Variants in MRPS11 observed in about 807,000 individuals in gnomAD.
The protein encoded by MRPS11 is small ribosomal subunit protein uS11m.
A neutral mutation model predicts 24.3 loss-of-function variants in MRPS11; 27 were observed. That is an observed-to-expected ratio of 1.11 (90% CI 0.82 to 1.53). The LOEUF (loss-of-function observed/expected upper bound fraction) is 1.53. Ranked by LOEUF, MRPS11 falls within the 40% of genes most tolerant of loss-of-function variation. The probability of loss-of-function intolerance (pLI) is 0.00; values close to 1 mark genes in which losing one functional copy is unlikely to be tolerated. For synonymous variants in MRPS11, 104 were observed against 98.7 expected, an observed-to-expected ratio of 1.05 and a Z score of -0.32; for missense variants, 277 against 256.5, an observed-to-expected ratio of 1.08 and a Z score of -0.55.
intron 2 of MRPS11, among the ~76,000 whole-genome samples, chr15:88,470,519 C>G (rs2055673090): frequency 6.6e-6 from 1 of 152,260 alleles, no homozygotes; most frequent in Middle Eastern, 3.4e-3. Flanking sequence ...CTAGGAAGAA[C>G]CATCAGAAGA....
intron 2 of MRPS11, among the ~76,000 whole-genome samples, chr15:88,470,006 A>G (rs766658584): frequency 1.6e-4 from 24 of 152,172 alleles, no homozygotes; most frequent in South Asian, 4.1e-4. Context: ...GTGGAGACAC[A>G]ATGTAGACCA....
In MRPS11 at chr15:88,475,289, A is replaced by G. The variant is rs767148601; in HGVS notation, c.411+50A>G. Reference sequence around the variant, plus strand: ...CTTCTAGTGTGTGTTTGCTTTCTGCATGGCTCATCACTGAGTGGAGAATCC... The same window carrying G: ...CTTCTAGTGTGTGTTTGCTTTCTGCGTGGCTCATCACTGAGTGGAGAATCC... On this transcript the variant is annotated intron_variant, in intron 4 of 5. Coordinates refer to ENST00000325844, the MANE Select transcript of MRPS11 (RefSeq NM_022839.5). The surrounding 1 kb of genome is among the most constrained non-coding windows in gnomAD (Gnocchi z 4.1). The G allele has an allele frequency of 1.9e-6, 3 of 1,610,660 alleles. No homozygotes were observed. The highest frequency in any genetic ancestry group is 8.5e-7 in the Non-Finnish European group (1 of 1,178,782).
chr15:88,476,971 C>T lies in MRPS11; in HGVS notation c.412-18C>T. On this transcript the variant is annotated intron_variant, in intron 4 of 5. Coordinates refer to ENST00000325844, the MANE Select transcript of MRPS11 (RefSeq NM_022839.5). ...GTAGTTCTCTCTCCGGGGCACTAAC[C>T]ACTCTGCTTCTCTCCAGAGAGCTAA... is the stretch of plus-strand genomic sequence containing the variant. 2.5e-6 allele frequency: 4 copies of T among 1,609,272 alleles called. No individual in the cohort carries two copies. The South Asian group carries it at 4.4e-5, about 18-fold the overall frequency.
In MRPS11 at chr15:88,478,980, G is replaced by A. The variant is rs1705702757; in HGVS notation, c.*1001G>A. 1 of 150,848 alleles carries A rather than the reference G, an allele frequency of 6.6e-6. No individual in the cohort carries two copies. Among genetic ancestry groups the A allele is most frequent in the Admixed American group, 6.6e-5 (1 of 15,138 alleles). 9.3% of individuals were successfully genotyped at this position (150,848 alleles called of 1,614,324 possible). A position where few individuals can be genotyped will look rare whatever the true frequency, so the allele number is the denominator to read the frequency against. ...CTCCAGCCCAGGTGACAGCGAGACT[G>A]TCTCAAAAAAATAAATAAATATAAA... On this transcript the variant is annotated 3_prime_UTR_variant, in exon 6 of 6. Transcript: ENST00000325844. The surrounding 1 kb of genome is among the most constrained non-coding windows in gnomAD (Gnocchi z 4.7).
rs1384955838 is a variant in MRPS11, at chr15:88,467,776, C to T, written c.59C>T (p.Thr20Ile). ...RFLRSWTWPQ[T>I]AGRVVARTPA... is the part of the protein sequence containing the mutation. ...CTGCGGTCCTGGACTTGGCCCCAGA[C>T]AGCCGGGTAACAAATGACTGCCCCC... The change falls in exon 1 of 6, where the codon ACA (threonine) becomes ATA (isoleucine). Residue 20 changes from threonine to isoleucine, a missense_variant. By Grantham distance (89) the Thr-to-Ile change is moderately conservative. Transcript: ENST00000325844. The T allele has an allele frequency of 1.2e-6, 2 of 1,614,018 alleles. No homozygotes were observed. Among genetic ancestry groups the T allele is most frequent in the Admixed American group, 3.3e-5 (2 of 60,012 alleles).
In MRPS11 at chr15:88,469,990, A is replaced by G. The variant is rs1468650772; in HGVS notation, c.182+1966A>G. Among the ~76,000 whole-genome samples the G allele has an allele frequency of 6.6e-6, 1 of 152,186 alleles. No homozygotes were observed. Among genetic ancestry groups the G allele is most frequent in the Non-Finnish European group, 1.5e-5 (1 of 68,026 alleles). On this transcript the variant is annotated intron_variant, in intron 2 of 5. Transcript: ENST00000325844. This position sits in a 1 kb window ranked among gnomAD's most constrained non-coding sequence, Gnocchi z 4.4. ...GTTAAGGTTGAGATTCTTAATAAAC[A>G]TTCAAGTGGAGACACAATGTAGACC...
Position 88,477,052 on chromosome 15 carries a change from T to G in MRPS11, c.475T>G (p.Leu159Val). The change falls in exon 5 of 6, where the codon TTG becomes GTG. Residue 159 changes from leucine (L) to valine (V), a missense_variant and splice_region_variant. Leu to Val is a conservative substitution (Grantham distance 32). Coordinates refer to ENST00000325844, the MANE Select transcript of MRPS11 (RefSeq NM_022839.5). This position sits in a 1 kb window ranked among gnomAD's most constrained non-coding sequence, Gnocchi z 5.7. Reference sequence around the variant, plus strand: ...GGTGAAAGGCCTGGGGCCAGGACGCTTGGTAAGTTACAGTGATTTCCATAG... The same window carrying G: ...GGTGAAAGGCCTGGGGCCAGGACGCGTGGTAAGTTACAGTGATTTCCATAG... ...VVVKGLGPGR[L>V]SAMHGLIMGG... 3 of 1,613,932 alleles carry G rather than the reference T, an allele frequency of 1.9e-6. No homozygotes were observed. The highest frequency in any genetic ancestry group is 2.5e-6 in the Non-Finnish European group (3 of 1,179,966).
In MRPS11 at chr15:88,472,730, G is replaced by C; in HGVS notation, c.281+5G>C. 6.2e-7 allele frequency: 1 copy of C among 1,609,814 alleles called. No individual in the cohort carries two copies. The highest frequency in any genetic ancestry group is 1.1e-5 in the South Asian group (1 of 90,804). On this transcript the variant is annotated splice_donor_5th_base_variant and intron_variant, in intron 3 of 5. Transcript: ENST00000325844. ...CATTAAAGCATCCCACAACAAGTAAGTGGGAAGGGAAACACTGGGCAGGTC... is the reference window on the plus strand; with the variant it reads ...CATTAAAGCATCCCACAACAAGTAACTGGGAAGGGAAACACTGGGCAGGTC...
Position 88,479,405 on chromosome 15 carries a change from T to C in MRPS11, c.*1426T>C, listed in dbSNP as rs763547577. On this transcript the variant is annotated 3_prime_UTR_variant, in exon 6 of 6. Coordinates refer to ENST00000325844, the MANE Select transcript of MRPS11 (RefSeq NM_022839.5). ...GGAAGGCACTGTGGAGTTTTACTTC[T>C]GTGTCCAGCCAGCTAAGTACTGTGA... 2 of 152,308 alleles carry C rather than the reference T, an allele frequency of 1.3e-5. No individual in the cohort carries two copies. The highest frequency in any genetic ancestry group is 2.9e-5 in the Non-Finnish European group (2 of 68,084). 9.4% of individuals were successfully genotyped at this position (152,308 alleles called of 1,614,324 possible).
In MRPS11 at chr15:88,476,287, G is replaced by C. The variant is rs565470011; in HGVS notation, c.412-702G>C. On this transcript the variant is annotated intron_variant, in intron 4 of 5. Coordinates refer to ENST00000325844, the MANE Select transcript of MRPS11 (RefSeq NM_022839.5). ...CAGTTCACTGATCGGAACCCAGATT[G>C]GTCTGGGACCAAAGCCTGCACAATT... Among the ~76,000 whole-genome samples the C allele has an allele frequency of 5.2e-4, 79 of 152,266 alleles. 1 individual carries two copies. The highest frequency in any genetic ancestry group is 1.5e-3 in the South Asian group (7 of 4,814).
At position 88,467,991 on chromosome 15, in the gene MRPS11, A is replaced by G; in HGVS notation, c.149A>G (p.Glu50Gly). 1 of 1,609,270 alleles carries G rather than the reference A, an allele frequency of 6.2e-7. No homozygotes were observed. The highest frequency in any genetic ancestry group is 8.5e-7 in the Non-Finnish European group (1 of 1,178,184). Residue 50 changes from glutamate to glycine, a missense_variant, in exon 2 of 6, where the codon GAA becomes GGA. Glu to Gly is a moderately conservative substitution (Grantham distance 98). Transcript: ENST00000325844. ...LQDAAAKQKV[E>G]QNAAPSHTKF... ...GACGCTGCGGCCAAGCAGAAAGTTG[A>G]ACAGAACGCGGCTCCCAGCCACACC...
rs895575958 is a variant in MRPS11, at chr15:88,480,378, G to A, written c.*2399G>A. 6.6e-6 allele frequency: 1 copy of A among 152,110 alleles called. No individual in the cohort carries two copies. The highest frequency in any genetic ancestry group is 1.5e-5 in the Non-Finnish European group (1 of 68,022). The allele number at this position is 152,110 out of a possible 1,614,324, so 9.4% of individuals were successfully genotyped here. A position where few individuals can be genotyped will look rare whatever the true frequency, so the allele number is the denominator to read the frequency against. Reference sequence around the variant, plus strand: ...ACTACAGGCGCATGCCACCACACATGGATAATTTTTGTATTTTTTGTATTG... The same window carrying A: ...ACTACAGGCGCATGCCACCACACATAGATAATTTTTGTATTTTTTGTATTG... On this transcript the variant is annotated 3_prime_UTR_variant, in exon 6 of 6. Transcript: ENST00000325844. The surrounding 1 kb of genome is among the most constrained non-coding windows in gnomAD (Gnocchi z 5.1).
chr15:88,474,280 C>T (rs113507822), intron 3 of MRPS11, among the ~76,000 whole-genome samples: 40 of 152,136 alleles, frequency 2.6e-4, no homozygotes, highest in African/African-American at 8.9e-4. Context: ...CAATATGAGG[C>T]CGGGCGAGGT....
chr15:88,478,973 C>T lies in MRPS11; in HGVS notation c.*994C>T, dbSNP rs1274276579. Reference sequence around the variant, plus strand: ...TACTGCACTCCAGCCCAGGTGACAGCGAGACTGTCTCAAAAAAATAAATAA... The same window carrying T: ...TACTGCACTCCAGCCCAGGTGACAGTGAGACTGTCTCAAAAAAATAAATAA... On this transcript the variant is annotated 3_prime_UTR_variant, in exon 6 of 6. Transcript: ENST00000325844. The surrounding 1 kb of genome is among the most constrained non-coding windows in gnomAD (Gnocchi z 4.7). 2 of 150,258 alleles carry T rather than the reference C, an allele frequency of 1.3e-5. No individual in the cohort carries two copies. Among genetic ancestry groups the T allele is most frequent in the Non-Finnish European group, 3.0e-5 (2 of 67,790 alleles). The allele number at this position is 150,258 out of a possible 1,614,324, so 9.3% of individuals were successfully genotyped here.
chr15:88,468,905 G>GTGTAGA (rs2055619259), intron 2 of MRPS11: 2 of 151,988 alleles, frequency 1.3e-5, no homozygotes, highest in East Asian at 3.9e-4. Flanking sequence ...AGCCACTCAG[G>GTGTAGA]AGGCTGAAGT....
Position 88,467,850 on chromosome 15 carries a change from A to G in MRPS11, c.66-58A>G, listed in dbSNP as rs558372805. The G allele has an allele frequency of 3.2e-5, 52 of 1,612,714 alleles. No homozygotes were observed. In the African/African-American group the frequency reaches 6.0e-4, roughly 19 times the overall value. ...ACTATGCTCCTACTCGTGTCCCTTGAGCCACCCGGGCCCCAGTGACCGTTA... is the reference window on the plus strand; with the variant it reads ...ACTATGCTCCTACTCGTGTCCCTTGGGCCACCCGGGCCCCAGTGACCGTTA... On this transcript the variant is annotated intron_variant, in intron 1 of 5. Transcript: ENST00000325844.
Position 88,478,251 on chromosome 15 carries a change from T to A in MRPS11, c.*272T>A. The A allele has an allele frequency of 2.3e-6, 1 of 443,082 alleles. No individual in the cohort carries two copies. The highest frequency in any genetic ancestry group is 4.0e-6 in the Non-Finnish European group (1 of 247,648). The allele number at this position is 443,082 out of a possible 1,614,324, so 27.4% of individuals were successfully genotyped here. Reference sequence around the variant, plus strand: ...ACTCTGCTCTGAGAAAATAAATATCTGTACCACCTGTCATAATTTTGAGAT... The same window carrying A: ...ACTCTGCTCTGAGAAAATAAATATCAGTACCACCTGTCATAATTTTGAGAT... On this transcript the variant is annotated 3_prime_UTR_variant, in exon 6 of 6. Transcript: ENST00000325844. The surrounding 1 kb of genome is among the most constrained non-coding windows in gnomAD (Gnocchi z 4.7).
chr15:88,472,682 T>G lies in MRPS11; in HGVS notation c.238T>G (p.Phe80Val). 6.2e-7 allele frequency: 1 copy of G among 1,614,086 alleles called. No individual in the cohort carries two copies. The highest frequency in any genetic ancestry group is 8.5e-7 in the Non-Finnish European group (1 of 1,180,000). The change falls in exon 3 of 6, where the codon TTT becomes GTT. Residue 80 changes from phenylalanine to valine, a missense_variant. Phe to Val is a conservative substitution (Grantham distance 50). Transcript: ENST00000325844. ...CTCTCTGAGGTGGGCAGGAAAGAAA[T>G]TTGAGGAGATCCCAATTGCACACAT... is the stretch of plus-strand genomic sequence containing the variant. The part of the protein sequence containing the change: ...ESSLRWAGKK[F>V]EEIPIAHIKA...
rs748353445 is a variant in MRPS11, at chr15:88,475,173, G to C, written c.345G>C (p.Glu115Asp). ...TTGCCTTTGCTTCCTGTGGCACAGA[G>C]GGATTTCGGAATGCCAAGAAGGGCA... ...EPLAFASCGT[E>D]GFRNAKKGTG... The change falls in exon 4 of 6, where the codon GAG (glutamate) becomes GAC (aspartate). Residue 115 changes from glutamate to aspartate, a missense_variant. By Grantham distance (45) the Glu-to-Asp change is conservative. Coordinates refer to ENST00000325844, the MANE Select transcript of MRPS11 (RefSeq NM_022839.5). This position sits in a 1 kb window ranked among gnomAD's most constrained non-coding sequence, Gnocchi z 4.1. 1.2e-6 allele frequency: 2 copies of C among 1,614,126 alleles called. No homozygotes were observed. Among genetic ancestry groups the C allele is most frequent in the African/African-American group, 1.3e-5 (1 of 74,938 alleles).
Sources: gnomAD v4.1 joint callset for allele counts (sites outside exome capture counted in the v4.1 genomes callset) on GRCh38, gnomAD v4.1.1 for gene constraint, Gnocchi (gnomAD v3.1) non-coding constraint, MANE v1.5 for transcripts, NCBI Gene and HGNC (gene_info 2026-07-23, HGNC 2026-07-21) for gene names.